The following SUGP1 variants were observed in gnomAD, a reference collection of about 807,000 sequenced individuals.
The protein encoded by SUGP1 is SURP and G-patch domain containing 1, also known as SURP and G-patch domain-containing protein 1.
Under a neutral mutation model 76.5 loss-of-function variants are expected in SUGP1, and 34 were observed. The observed-to-expected ratio is 0.44, with a 90% confidence interval of 0.34 to 0.59. The LOEUF (loss-of-function observed/expected upper bound fraction) is 0.59, where lower values mean the gene tolerates loss of function less well. SUGP1 is among the 20% of genes least tolerant of loss of function. The pLI is 0.01. For missense variants in SUGP1, 752 were observed against 851.7 expected (o/e 0.88, Z 1.46); for synonymous variants, 326 against 326.2 (o/e 1.00, Z 0.01).
At chr19:19,284,550 CTTT>C (rs2061124580) in intron 8 of SUGP1, among the ~76,000 whole-genome samples, 2 of 151,836 alleles carry the variant, frequency 1.3e-5, no homozygotes, top group African/African-American at 2.4e-5. Flanking sequence ...TGTGAAGTAA[CTTT>C]TTATCTCACT....
rs550779396 is a variant in SUGP1 at position 19,314,895 on chromosome 19, G to A, written c.206+1527C>T. Among the ~76,000 whole-genome samples the A allele has an allele frequency of 1.2e-4, 19 of 152,292 alleles. 1 individual carries two copies. In the South Asian group the frequency reaches 3.1e-3, roughly 25 times the overall value. On this transcript the variant is annotated intron_variant, in intron 2 of 13. Coordinates refer to ENST00000247001, the MANE Select transcript of SUGP1 (RefSeq NM_172231.4). The stretch of plus-strand genomic sequence containing the variant: ...ACTAAAAATACAAAATTGGCTGGGC[G>A]TGGCAGCGCATGCCTGTAATCCCAG...
intron 2 of SUGP1, among the ~76,000 whole-genome samples, chr19:19,310,606 G>C (rs1200654580): frequency 6.6e-6 from 1 of 152,086 alleles, no homozygotes; most frequent in Non-Finnish European, 1.5e-5. Flanking sequence ...AGTTTTCCAA[G>C]GCAGGGCCTA....
In SUGP1 at chr19:19,299,110, CA is replaced by C. The variant is rs2061251563; in HGVS notation, c.888-1767del. Among the ~76,000 whole-genome samples, 20 of 152,352 alleles carry C rather than the reference CA, an allele frequency of 1.3e-4. No homozygotes were observed. In the South Asian group the frequency reaches 4.1e-3, roughly 32 times the overall value. On this transcript the variant is annotated intron_variant, in intron 7 of 13. Coordinates refer to ENST00000247001, the MANE Select transcript of SUGP1 (RefSeq NM_172231.4). ...CTGTTAAGGTGTTTCCTGCCAGTTTCAGCAAAGATTTATCTTAATAGAGCTG... is the reference window on the plus strand; with the variant it reads ...CTGTTAAGGTGTTTCCTGCCAGTTTCGCAAAGATTTATCTTAATAGAGCTG...
At chr19:19,309,644 C>G (rs1447827056) in intron 3 of SUGP1, among the ~76,000 whole-genome samples, 1 of 152,174 alleles carries the variant, frequency 6.6e-6, no homozygotes, top group Non-Finnish European at 1.5e-5. Flanking sequence ...GGCACAGTGG[C>G]TCACGCCTGT....
intron 12 of SUGP1, among the ~76,000 whole-genome samples, chr19:19,277,502 G>T (rs2061062548): frequency 6.6e-6 from 1 of 152,194 alleles, no homozygotes; most frequent in Non-Finnish European, 1.5e-5. Flanking sequence ...CACCCCATCT[G>T]GCCTGGAGAT....
Position 19,278,802 on chromosome 19 carries a change from C to CAGAGAAGCAGAAAGGTGAGAAGAG in SUGP1, c.1529-30_1529-7dup. The CAGAGAAGCAGAAAGGTGAGAAGAG allele has an allele frequency of 3.7e-6, 6 of 1,611,090 alleles. No individual in the cohort carries two copies. Among genetic ancestry groups the CAGAGAAGCAGAAAGGTGAGAAGAG allele is most frequent in the Non-Finnish European group, 5.1e-6 (6 of 1,178,700 alleles). ...TGTCAGCTGCTCGGCCCATTCTGCT[C>CAGAGAAGCAGAAAGGTGAGAAGAG]AGAGAAGCAGAAAGGTGAGAAGAGG... On this transcript the variant is annotated splice_region_variant and splice_polypyrimidine_tract_variant and intron_variant, in intron 10 of 13. Coordinates refer to ENST00000247001, the MANE Select transcript of SUGP1 (RefSeq NM_172231.4).
At chr19:19,308,699 G>C (rs1421101194) in intron 3 of SUGP1, among the ~76,000 whole-genome samples, 1 of 152,242 alleles carries the variant, frequency 6.6e-6, no homozygotes, top group East Asian at 1.9e-4. Context: ...CTGCTGGTGG[G>C]TTCAAGCTGA....
chr19:19,293,226 G>A (rs534705335), intron 8 of SUGP1, among the ~76,000 whole-genome samples: 1 of 151,776 alleles, frequency 6.6e-6, no homozygotes, highest in East Asian at 1.9e-4. Flanking sequence ...AACTGATGCA[G>A]AAAAAGCATC....
intron 7 of SUGP1, 60 bp from the exon 8 acceptor site, chr19:19,297,404 T>C: frequency 1.4e-6 from 2 of 1,408,032 alleles, no homozygotes; most frequent in Non-Finnish European, 9.5e-7. Flanking sequence ...TCCCTGATTC[T>C]GGGCAGGAGC....
At chr19:19,287,397 C>CA in intron 8 of SUGP1, among the ~76,000 whole-genome samples, 2 of 152,040 alleles carry the variant, frequency 1.3e-5, no homozygotes, top group African/African-American at 4.8e-5. Flanking sequence ...CCTATCTCTA[C>CA]AAAAAATACA....
chr19:19,304,715 C>A (rs1239752707), intron 4 of SUGP1, among the ~76,000 whole-genome samples: 1 of 152,194 alleles, frequency 6.6e-6, no homozygotes, highest in Non-Finnish European at 1.5e-5. Flanking sequence ...AGAGAAATTT[C>A]TCGCTGCCAG....
At chr19:19,302,534 G>C (rs1045520672) in intron 6 of SUGP1, 146 bp from the exon 7 acceptor site, 3 of 1,174,078 alleles carry the variant, frequency 2.6e-6, no homozygotes, top group Admixed American at 5.0e-5. Context: ...ACTACACTGG[G>C]ACCAGATGCC....
At chr19:19,309,932 A>ATTAT (rs2061342182) in intron 3 of SUGP1, among the ~76,000 whole-genome samples, 165 bp downstream of exon 3, 1 of 152,134 alleles carries the variant, frequency 6.6e-6, no homozygotes, top group African/African-American at 2.4e-5. Context: ...TTATTTATGT[A>ATTAT]TTATTTATTT....
intron 8 of SUGP1, among the ~76,000 whole-genome samples, chr19:19,282,479 G>C (rs578234798): frequency 7.3e-5 from 11 of 149,700 alleles, no homozygotes; most frequent in Admixed American, 1.3e-4. Flanking sequence ...CAGACCCAAA[G>C]ACACAAATAC....
At chr19:19,312,224 A>T (rs866797354) in intron 2 of SUGP1, among the ~76,000 whole-genome samples, 1 of 151,480 alleles carries the variant, frequency 6.6e-6, no homozygotes, top group Non-Finnish European at 1.5e-5. Context: ...AAGATCATTT[A>T]AAAAAAAATA....
At chr19:19,302,138 T>C in intron 7 of SUGP1, 127 bp downstream of exon 7, 1 of 1,452,002 alleles carries the variant, frequency 6.9e-7, no homozygotes, top group Non-Finnish European at 9.4e-7. Context: ...GGTCAGAGAC[T>C]CTTGGACCTG....
chr19:19,276,885 C>CT, intron 13 of SUGP1, 62 bp downstream of exon 13: 1 of 1,599,588 alleles, frequency 6.3e-7, no homozygotes, highest in East Asian at 2.2e-5. Context: ...AGGGAGCCTT[C>CT]TGTTCCTACC....
At position 19,276,642 on chromosome 19, in the gene SUGP1, G is replaced by A; in HGVS notation, c.*6C>T. ...GTCATTCAGAAAGTATGTATTTCCA[G>A]AACACTCAGTAGTAAGGCCGTCTGG... On this transcript the variant is annotated 3_prime_UTR_variant, in exon 14 of 14. Coordinates refer to ENST00000247001, the MANE Select transcript of SUGP1 (RefSeq NM_172231.4). 1.2e-6 allele frequency: 2 copies of A among 1,614,132 alleles called. No individual in the cohort carries two copies. The highest frequency in any genetic ancestry group is 8.5e-7 in the Non-Finnish European group (1 of 1,180,014).
chr19:19,278,110 G>A (rs2146588382), intron 11 of SUGP1, among the ~76,000 whole-genome samples: 1 of 152,318 alleles, frequency 6.6e-6, no homozygotes, highest in South Asian at 2.1e-4. Flanking sequence ...AAAAGGGCAA[G>A]AGGATGAGTT....
Sources: gnomAD v4.1 joint callset for allele counts (sites outside exome capture counted in the v4.1 genomes callset) on GRCh38, gnomAD v4.1.1 for gene constraint, MANE v1.5 for transcripts, NCBI Gene and HGNC (gene_info 2026-07-23, HGNC 2026-07-21) for gene names.